The following TECTA variants were observed in gnomAD, a reference collection of about 807,000 sequenced individuals.
TECTA encodes the protein tectorin alpha.
TECTA carries 128 observed loss-of-function variants against 216.8 expected under a neutral mutation model. The ratio of observed to expected loss-of-function variants is 0.59; its 90% CI spans 0.51 to 0.68. The LOEUF (loss-of-function observed/expected upper bound fraction) is 0.68, where lower values mean the gene tolerates loss of function less well. Among genes scored for constraint, TECTA ranks in the 30% least tolerant of loss-of-function variants. The pLI is 0.00. For synonymous variants in TECTA, 1,089 were observed against 1,117.1 expected (o/e 0.97, Z 0.50); for missense variants, 2,551 against 2,786.2 (o/e 0.92, Z 1.90).
At chr11:121,187,563 G>A (rs1947299875) in intron 20 of TECTA, among the ~76,000 whole-genome samples, 1 of 152,244 alleles carries the variant, frequency 6.6e-6, no homozygotes, top group African/African-American at 2.4e-5. Context: ...TGGGGAAATT[G>A]AATGTGGTCC....
chr11:121,112,096 G>C (rs891565454), intron 4 of TECTA, among the ~76,000 whole-genome samples: 3 of 152,166 alleles, frequency 2.0e-5, no homozygotes, highest in Non-Finnish European at 4.4e-5. Context: ...GGTCAATGCA[G>C]CCTCTCCTTT....
At chr11:121,177,455 G>C (rs7105435) in intron 20 of TECTA, among the ~76,000 whole-genome samples, 59,799 of 152,104 alleles carry the variant, frequency 0.39, 12,471 homozygotes, top group African/African-American at 0.52. Context: ...GACCCTCTTT[G>C]CCTGGGTACC....
At chr11:121,182,223 C>A (rs545661885) in intron 20 of TECTA, among the ~76,000 whole-genome samples, 1 of 151,848 alleles carries the variant, frequency 6.6e-6, no homozygotes, top group African/African-American at 2.4e-5. Context: ...AGCAGTGGGC[C>A]AGGTGGGTGG....
At chr11:121,118,282 G>T in intron 6 of TECTA, 24 bp from the exon 7 acceptor site, 1 of 1,613,724 alleles carries the variant, frequency 6.2e-7, no homozygotes, top group Non-Finnish European at 8.5e-7. Context: ...AGTAAATGTT[G>T]GCTCTAATGT....
rs532943508 is a variant in TECTA, at chr11:121,124,867, G to A, written c.1204-435G>A. 2.6e-5 allele frequency among the ~76,000 whole-genome samples: 4 copies of A among 152,334 alleles called. No homozygotes were observed. The South Asian group carries it at 8.3e-4, about 32-fold the overall frequency. ...CAGCACACACTCGAGCTGAGAGTGG[G>A]GTGAGGAGGACTAAAGGCAGGAAGG... On this transcript the variant is annotated intron_variant, in intron 7 of 23. Transcript: ENST00000392793.
In TECTA at chr11:121,113,819, C is replaced by A; in HGVS notation, c.790+101C>A. The A allele has an allele frequency of 2.9e-6, 4 of 1,376,462 alleles. No individual in the cohort carries two copies. The highest frequency in any genetic ancestry group is 4.1e-6 in the Non-Finnish European group (4 of 983,370). 85.3% of individuals were successfully genotyped at this position (1,376,462 alleles called of 1,614,324 possible). On this transcript the variant is annotated intron_variant, in intron 6 of 23. Coordinates refer to ENST00000392793, the MANE Select transcript of TECTA (RefSeq NM_005422.4). This position sits in a 1 kb window ranked among gnomAD's most constrained non-coding sequence, Gnocchi z 4.2. The stretch of plus-strand genomic sequence containing the variant: ...GGGCGGACTCATTCCTGATGCCTTA[C>A]TCTTTTGACATCTCTCCGCTGGGTA...
chr11:121,168,771 G>A lies in TECTA; in HGVS notation c.5845G>A (p.Gly1949Ser), dbSNP rs761379295. The change falls in exon 20 of 24, where the codon GGT becomes AGT. Residue 1949 changes from glycine (G) to serine (S), a missense_variant. Transcript: ENST00000392793. Reference protein sequence around the residue: ...NASYKHPYRQGEVVLTTRDVL... With the variant: ...NASYKHPYRQSEVVLTTRDVL... ...CTCCTACAAACATCCTTACCGCCAG[G>A]GTGAAGTAGTGTTGACGACTCGAGA... 1 of 1,614,170 alleles carries A rather than the reference G, an allele frequency of 6.2e-7. No homozygotes were observed. Among genetic ancestry groups the A allele is most frequent in the East Asian group, 2.2e-5 (1 of 44,890 alleles).
At chr11:121,147,664 T>C (rs1453235396) in intron 12 of TECTA, among the ~76,000 whole-genome samples, 2 of 152,212 alleles carry the variant, frequency 1.3e-5, no homozygotes, top group African/African-American at 4.8e-5. Context: ...AACCCAGCTT[T>C]GGACGCAAAG....
Position 121,165,257 on chromosome 11 carries a change from G to T in TECTA, c.5273-16G>T. On this transcript the variant is annotated splice_polypyrimidine_tract_variant and intron_variant, in intron 16 of 23. Coordinates refer to ENST00000392793, the MANE Select transcript of TECTA (RefSeq NM_005422.4). ...AAAATGAAGTTGTGCATGTTTCTGT[G>T]TGTTTTTCTTTTTAGCAGGAGTGGT... 1.3e-6 allele frequency: 2 copies of T among 1,584,478 alleles called. No individual in the cohort carries two copies. The highest frequency in any genetic ancestry group is 1.7e-6 in the Non-Finnish European group (2 of 1,164,028).
At chr11:121,150,806 T>C (rs6589858) in intron 12 of TECTA, among the ~76,000 whole-genome samples, 70,355 of 151,782 alleles carry the variant, frequency 0.46, 19,226 homozygotes, top group African/African-American at 0.77. Context: ...CCACCATGCC[T>C]GGCTAATTTT....
intron 7 of TECTA, among the ~76,000 whole-genome samples, chr11:121,119,496 G>T (rs1222747405): frequency 6.6e-6 from 1 of 152,132 alleles, no homozygotes; most frequent in East Asian, 1.9e-4. Flanking sequence ...AAAGCAAAAA[G>T]CTACTAGCAA....
Position 121,130,211 on chromosome 11 carries a change from C to T in TECTA, c.2941C>T (p.Pro981Ser), listed in dbSNP as rs774676767. ...VGPWRTYDFCPLECPENSHFE... is the reference protein window; with the variant it reads ...VGPWRTYDFCSLECPENSHFE... ...GCCCTGGCGGACCTATGACTTCTGCCGTAAGTTGGGGTTGGATTCTGGGAG... is the reference window on the plus strand; with the variant it reads ...GCCCTGGCGGACCTATGACTTCTGCTGTAAGTTGGGGTTGGATTCTGGGAG... The change falls in exon 10 of 24, where the codon CCA becomes TCA. Residue 981 changes from proline (P) to serine (S), a missense_variant and splice_region_variant. Pro to Ser is a moderately conservative substitution (Grantham distance 74, BLOSUM62 -1). Coordinates refer to ENST00000392793, the MANE Select transcript of TECTA (RefSeq NM_005422.4). 38 of 1,599,898 alleles carry T rather than the reference C, an allele frequency of 2.4e-5. No homozygotes were observed. Among genetic ancestry groups the T allele is most frequent in the South Asian group, 1.5e-4 (14 of 91,030 alleles).
At chr11:121,107,663 C>T (rs933940850) in intron 3 of TECTA, among the ~76,000 whole-genome samples, 2 of 152,148 alleles carry the variant, frequency 1.3e-5, no homozygotes, top group Non-Finnish European at 2.9e-5. Context: ...CTGCTGAAGC[C>T]GTGTCAGCCA....
chr11:121,138,581 G>T lies in TECTA; in HGVS notation c.3543+559G>T, dbSNP rs368033585. Reference sequence around the variant, plus strand: ...AGTCTCACACGCATTTGGAGGACTCGGGGCTCTCCTACAATCCCTTTACTC... The same window carrying T: ...AGTCTCACACGCATTTGGAGGACTCTGGGCTCTCCTACAATCCCTTTACTC... On this transcript the variant is annotated intron_variant, in intron 11 of 23. Coordinates refer to ENST00000392793, the MANE Select transcript of TECTA (RefSeq NM_005422.4). Among the ~76,000 whole-genome samples, 3 of 152,238 alleles carry T rather than the reference G, an allele frequency of 2.0e-5. No homozygotes were observed. The East Asian group carries it at 5.8e-4, about 29-fold the overall frequency.
chr11:121,111,516 G>C (rs370123894), intron 4 of TECTA, among the ~76,000 whole-genome samples: 2 of 152,292 alleles, frequency 1.3e-5, no homozygotes, highest in African/African-American at 4.8e-5. Flanking sequence ...GTGCGTGCGG[G>C]TGGCAGTCAG....
At chr11:121,106,590 C>T (rs751556389) in intron 3 of TECTA, among the ~76,000 whole-genome samples, 9 of 152,018 alleles carry the variant, frequency 5.9e-5, no homozygotes, top group Non-Finnish European at 1.0e-4. Flanking sequence ...TTGCTGCTAG[C>T]GAAACTGTGG....
At chr11:121,130,545 T>C (rs1946664163) in intron 10 of TECTA, among the ~76,000 whole-genome samples, 1 of 152,160 alleles carries the variant, frequency 6.6e-6, no homozygotes, top group East Asian at 1.9e-4. Context: ...CCTTCTCCCT[T>C]GGCAAAGAAG....
At chr11:121,155,059 A>C (rs1946927888) in intron 13 of TECTA, among the ~76,000 whole-genome samples, 1 of 152,216 alleles carries the variant, frequency 6.6e-6, no homozygotes, top group Non-Finnish European at 1.5e-5. Flanking sequence ...AACTCAGAGA[A>C]CAAAGAATCC....
At chr11:121,115,466 T>G (rs1946492648) in intron 6 of TECTA, among the ~76,000 whole-genome samples, 1 of 152,198 alleles carries the variant, frequency 6.6e-6, no homozygotes, top group African/African-American at 2.4e-5. Context: ...TAGACACTTG[T>G]GTAGGGTACT....
Sources: allele counts gnomAD v4.1 joint callset (sites outside exome capture counted in the v4.1 genomes callset), GRCh38; gene constraint gnomAD v4.1.1; non-coding constraint Gnocchi (gnomAD v3.1); transcripts MANE v1.5; gene names NCBI Gene and HGNC (gene_info 2026-07-23, HGNC 2026-07-21).